FBN2: variants seen among roughly 807,000 people sequenced by gnomAD.
The protein encoded by FBN2 is fibrillin-2.
Under a neutral mutation model 355.6 loss-of-function variants are expected in FBN2, and 105 were observed. The ratio of observed to expected loss-of-function variants is 0.30; its 90% CI spans 0.25 to 0.35. FBN2 has a LOEUF of 0.35. Among genes scored for constraint, FBN2 ranks in the 10% least tolerant of loss-of-function variants. The pLI, the probability that FBN2 is intolerant of heterozygous loss-of-function variation, is 1.00. For synonymous variants in FBN2, 1,350 were observed against 1,301.2 expected (o/e 1.04, Z -0.81); for missense variants, 3,280 against 3,758.7 (o/e 0.87, Z 3.33).
intron 4 of FBN2, among the ~76,000 whole-genome samples, chr5:128,524,838 A>C (rs1756522351): frequency 6.6e-6 from 1 of 152,164 alleles, no homozygotes. Flanking sequence ...AACATTAAGG[A>C]AGATGTCATC....
intron 54 of FBN2, among the ~76,000 whole-genome samples, chr5:128,287,087 G>T (rs1749174903): frequency 6.6e-6 from 1 of 152,176 alleles, no homozygotes; most frequent in African/African-American, 2.4e-5. Context: ...CCAAGAGTGT[G>T]AGAATAGTGG....
At chr5:128,482,445 C>A (rs1755218490) in intron 5 of FBN2, among the ~76,000 whole-genome samples, 1 of 152,082 alleles carries the variant, frequency 6.6e-6, no homozygotes, top group Non-Finnish European at 1.5e-5. Context: ...CCAATGCATT[C>A]TTTTATTATT....
At chr5:128,441,314 C>T (rs529258860) in intron 7 of FBN2, among the ~76,000 whole-genome samples, 13 of 152,158 alleles carry the variant, frequency 8.5e-5, no homozygotes, top group African/African-American at 1.2e-4. Flanking sequence ...TGAGTTTCCC[C>T]GTCAGTGCAG....
chr5:128,289,056 G>A, intron 52 of FBN2, 71 bp downstream of exon 52: 1 of 1,526,330 alleles, frequency 6.6e-7, no homozygotes, highest in Non-Finnish European at 9.1e-7. Flanking sequence ...CAGGGTACCT[G>A]AGAGACCTTT....
intron 11 of FBN2, among the ~76,000 whole-genome samples, chr5:128,383,812 T>C (rs331076): frequency 0.46 from 70,173 of 151,910 alleles, 17,319 homozygotes; most frequent in Non-Finnish European, 0.56. Context: ...CTATACGAAG[T>C]GCTGGCTTGG....
intron 5 of FBN2, among the ~76,000 whole-genome samples, chr5:128,485,468 T>C (rs1755313249): frequency 2.6e-5 from 4 of 152,186 alleles, no homozygotes; most frequent in African/African-American, 7.2e-5. Flanking sequence ...CAATAGAATT[T>C]TGACAGTAGT....
chr5:128,495,407 A>G (rs1297033853), intron 5 of FBN2, among the ~76,000 whole-genome samples: 4 of 152,184 alleles, frequency 2.6e-5, no homozygotes, highest in Non-Finnish European at 4.4e-5. Context: ...GAAACAGCAG[A>G]AAACTTCCAA....
At chr5:128,419,688 A>G (rs1452870184) in intron 7 of FBN2, among the ~76,000 whole-genome samples, 1 of 151,946 alleles carries the variant, frequency 6.6e-6, no homozygotes, top group African/African-American at 2.4e-5. Context: ...ACTGATACTG[A>G]TGTATAATTT....
intron 34 of FBN2, among the ~76,000 whole-genome samples, chr5:128,324,958 A>C (rs1370851401): frequency 2.6e-5 from 4 of 152,056 alleles, no homozygotes; most frequent in Non-Finnish European, 5.9e-5. Context: ...ATTTGGTTGC[A>C]CTGTGGTCGG....
intron 14 of FBN2, among the ~76,000 whole-genome samples, chr5:128,375,888 A>T (rs990801529): frequency 1.1e-4 from 16 of 151,980 alleles, no homozygotes; most frequent in African/African-American, 3.9e-4. Context: ...ATAAAACAAA[A>T]TTAGCTGGGC....
At chr5:128,261,692 G>A (rs370993756) in intron 64 of FBN2, 44 bp downstream of exon 64, 37 of 1,593,818 alleles carry the variant, frequency 2.3e-5, no homozygotes, top group African/African-American at 9.4e-5. Context: ...ACATGACTCC[G>A]TAGGGATAAA....
At position 128,349,381 on chromosome 5, in the gene FBN2, G is replaced by A; in HGVS notation, c.2955C>T (p.Gly985=). 1.9e-6 allele frequency: 3 copies of A among 1,614,100 alleles called. No individual in the cohort carries two copies. The highest frequency in any genetic ancestry group is 2.5e-6 in the Non-Finnish European group (3 of 1,180,016). ...CACGGCCAGTCCCATCCAACGTAAG[G>A]CCTTCAGGGCACTCGCAATGAAAAG... ...KGSFHCECPE[G]LTLDGTGRVC... is the part of the protein sequence containing the mutation. Residue 985 remains glycine, a synonymous_variant, in exon 23 of 65, where the codon GGC becomes GGT. Coordinates refer to ENST00000262464, the MANE Select transcript of FBN2 (RefSeq NM_001999.4).
At chr5:128,513,265 C>A (rs1234981215) in intron 5 of FBN2, among the ~76,000 whole-genome samples, 1 of 152,150 alleles carries the variant, frequency 6.6e-6, no homozygotes, top group Non-Finnish European at 1.5e-5. Context: ...TACATAACTT[C>A]CCCCATATAC....
intron 7 of FBN2, among the ~76,000 whole-genome samples, chr5:128,441,184 C>T (rs1161688396): frequency 6.6e-6 from 1 of 152,208 alleles, no homozygotes. Context: ...ATCTCTACAG[C>T]CAGTGCCAGG....
chr5:128,518,597 A>G, intron 5 of FBN2, among the ~76,000 whole-genome samples: 1 of 152,152 alleles, frequency 6.6e-6, no homozygotes, highest in East Asian at 1.9e-4. Context: ...TAAAAACTCA[A>G]GCTTAAACCA....
intron 6 of FBN2, among the ~76,000 whole-genome samples, chr5:128,456,708 C>A (rs1190371058): frequency 1.3e-5 from 2 of 151,982 alleles, no homozygotes; most frequent in Non-Finnish European, 2.9e-5. Flanking sequence ...AGAAGAAGGT[C>A]CTGACTACTA....
At chr5:128,405,142 A>ACCTGGGTGACACTGCATTCCAG (rs1476652753) in intron 8 of FBN2, among the ~76,000 whole-genome samples, 19 of 152,148 alleles carry the variant, frequency 1.2e-4, no homozygotes, top group Non-Finnish European at 2.4e-4. Context: ...CTGCATTCCA[A>ACCTGGGTGACACTGCATTCCAG]CCTGGGTGAC....
At chr5:128,382,107 G>A (rs1752248806) in intron 11 of FBN2, among the ~76,000 whole-genome samples, 1 of 151,958 alleles carries the variant, frequency 6.6e-6, no homozygotes. Flanking sequence ...TGAAACACAT[G>A]TGTGTTAATA....
chr5:128,325,001 C>A (rs1379845775), intron 34 of FBN2, among the ~76,000 whole-genome samples: 2 of 152,108 alleles, frequency 1.3e-5, no homozygotes, highest in South Asian at 4.1e-4. Flanking sequence ...CATTCTTTTG[C>A]ATTTGCTGAG....
Sources: allele counts gnomAD v4.1 joint callset (sites outside exome capture counted in the v4.1 genomes callset), GRCh38; gene constraint gnomAD v4.1.1; transcripts MANE v1.5; gene names NCBI Gene and HGNC (gene_info 2026-07-23, HGNC 2026-07-21).